FGF14: variants seen among roughly 807,000 people sequenced by gnomAD.
The protein encoded by FGF14 is fibroblast growth factor homologous factor 4.
FGF14 carries 5 observed loss-of-function variants against 25.5 expected under a neutral mutation model. The observed-to-expected ratio is 0.20, with a 90% confidence interval of 0.10 to 0.41. The LOEUF (loss-of-function observed/expected upper bound fraction) is 0.41. Among genes scored for constraint, FGF14 ranks in the 10% least tolerant of loss-of-function variants. FGF14 has a pLI of 1.00. For missense variants in FGF14, 222 were observed against 320.1 expected (o/e 0.69, Z 2.34); for synonymous variants, 138 against 118.3 (o/e 1.17, Z -1.08).
chr13:102,153,768 A>G (rs1320737938), intron 1 of FGF14, among the ~76,000 whole-genome samples: 3 of 152,122 alleles, frequency 2.0e-5, no homozygotes, highest in African/African-American at 4.8e-5. Context: ...ATGTATTTCT[A>G]TTCTCTCTAG....
intron 1 of FGF14, among the ~76,000 whole-genome samples, chr13:102,365,492 AATT>A (rs1373338969): frequency 1.3e-5 from 2 of 152,226 alleles, no homozygotes; most frequent in Non-Finnish European, 2.9e-5. Flanking sequence ...TACTCATAAA[AATT>A]ATTATGTATA....
At position 102,132,754 on chromosome 13, in the gene FGF14, C is replaced by G. The variant is rs192920644; in HGVS notation, c.209-257458G>C. On this transcript the variant is annotated intron_variant, in intron 1 of 4. Coordinates refer to the FGF14 transcript ENST00000376131. The stretch of plus-strand genomic sequence containing the variant: ...CAGGCTGGCCTCGAACTCCTGACCT[C>G]AAGCAATCCACCCGCCTCAGCCTCC... Among the ~76,000 whole-genome samples, 477 of 152,256 alleles carry G rather than the reference C, an allele frequency of 3.1e-3. 5 individuals carry two copies. The highest frequency in any genetic ancestry group is 0.014 in the South Asian group (67 of 4,830).
intron 1 of FGF14, among the ~76,000 whole-genome samples, chr13:102,390,928 G>A (rs905886923): frequency 4.6e-5 from 7 of 152,056 alleles, no homozygotes; most frequent in African/African-American, 9.7e-5. Context: ...CCACATCACC[G>A]TTCTTTTACA....
intron 1 of FGF14, among the ~76,000 whole-genome samples, chr13:102,010,575 C>A (rs1414463038): frequency 6.6e-6 from 1 of 152,014 alleles, no homozygotes; most frequent in African/African-American, 2.4e-5. Context: ...GAACACAATC[C>A]TAGGGAAGTG....
chr13:101,779,957 A>T (rs1378440174), intron 3 of FGF14, among the ~76,000 whole-genome samples: 1 of 152,156 alleles, frequency 6.6e-6, no homozygotes, highest in African/African-American at 2.4e-5. Context: ...TCATGCCTTG[A>T]AAAACCTCCC....
At chr13:102,001,423 T>C (rs2039489061) in intron 1 of FGF14, among the ~76,000 whole-genome samples, 2 of 152,118 alleles carry the variant, frequency 1.3e-5, no homozygotes, top group Admixed American at 6.5e-5. Context: ...TTTTGGATCA[T>C]GTACTTTCAC....
At chr13:102,322,344 G>T (rs1170509818) in intron 1 of FGF14, among the ~76,000 whole-genome samples, 1 of 152,136 alleles carries the variant, frequency 6.6e-6, no homozygotes, top group Non-Finnish European at 1.5e-5. Context: ...GGCATAGAGT[G>T]CAGGAACATA....
chr13:102,180,753 C>G (rs542553045), intron 1 of FGF14, among the ~76,000 whole-genome samples: 1 of 152,214 alleles, frequency 6.6e-6, no homozygotes, highest in Non-Finnish European at 1.5e-5. Context: ...TGTGGCTAGG[C>G]TGTACATATT....
intron 3 of FGF14, among the ~76,000 whole-genome samples, chr13:101,784,889 A>T (rs897874451): frequency 7.9e-5 from 12 of 152,204 alleles, no homozygotes; most frequent in Admixed American, 4.6e-4. Context: ...GCAAGGGGGA[A>T]GTATCAGATG....
At chr13:101,794,249 T>G (rs575703452) in intron 3 of FGF14, among the ~76,000 whole-genome samples, 1 of 150,144 alleles carries the variant, frequency 6.7e-6, no homozygotes, top group African/African-American at 2.5e-5. Context: ...GCATCTGTGC[T>G]CTCTCTCAGT....
chr13:101,948,931 C>A (rs962804758), intron 1 of FGF14, among the ~76,000 whole-genome samples: 2 of 152,012 alleles, frequency 1.3e-5, no homozygotes, highest in Non-Finnish European at 2.9e-5. Context: ...CTGTTCCATA[C>A]TCTTAAGCCC....
intron 3 of FGF14, among the ~76,000 whole-genome samples, chr13:101,735,784 A>T (rs1192393529): frequency 6.6e-6 from 1 of 152,122 alleles, no homozygotes; most frequent in Non-Finnish European, 1.5e-5. Context: ...AAGATCAAAC[A>T]TGTTTGGTCA....
chr13:101,778,176 A>T (rs2039255583), intron 3 of FGF14, among the ~76,000 whole-genome samples: 1 of 152,176 alleles, frequency 6.6e-6, no homozygotes, highest in Non-Finnish European at 1.5e-5. Context: ...ATGTTATTTT[A>T]CCCAGTTGGA....
At chr13:102,189,930 A>C (rs2049056352) in intron 1 of FGF14, among the ~76,000 whole-genome samples, 1 of 152,038 alleles carries the variant, frequency 6.6e-6, no homozygotes, top group Non-Finnish European at 1.5e-5. Flanking sequence ...CTCACTCAAC[A>C]CCAAAAAGAT....
At chr13:102,125,175 A>G (rs1414042874) in intron 1 of FGF14, among the ~76,000 whole-genome samples, 1 of 152,116 alleles carries the variant, frequency 6.6e-6, no homozygotes, top group Non-Finnish European at 1.5e-5. Context: ...AACTTTTCCC[A>G]TATTGCATTT....
chr13:102,230,783 T>A (rs1328074656), intron 1 of FGF14, among the ~76,000 whole-genome samples: 1 of 152,210 alleles, frequency 6.6e-6, no homozygotes, highest in Non-Finnish European at 1.5e-5. Context: ...TAATTTGCCA[T>A]AATACCTGTA....
At chr13:101,773,933 G>A (rs371347251) in intron 3 of FGF14, among the ~76,000 whole-genome samples, 7 of 149,830 alleles carry the variant, frequency 4.7e-5, no homozygotes, top group Admixed American at 6.7e-5. Flanking sequence ...AGGATTTTGC[G>A]CTGTGCCAAG....
At chr13:102,081,018 G>A (rs1249855761) in intron 1 of FGF14, among the ~76,000 whole-genome samples, 1 of 152,146 alleles carries the variant, frequency 6.6e-6, no homozygotes, top group East Asian at 1.9e-4. Context: ...AAATGTATTT[G>A]GCCTGAAACC....
intron 1 of FGF14, among the ~76,000 whole-genome samples, chr13:102,178,870 A>G (rs1339608373): frequency 6.6e-6 from 1 of 152,126 alleles, no homozygotes; most frequent in Non-Finnish European, 1.5e-5. Flanking sequence ...ACTGTACTTT[A>G]AACTCAAATG....
Sources: gnomAD v4.1 joint callset for allele counts (sites outside exome capture counted in the v4.1 genomes callset) on GRCh38, gnomAD v4.1.1 for gene constraint, MANE v1.5 for transcripts, NCBI Gene and HGNC (gene_info 2026-07-23, HGNC 2026-07-21) for gene names.